CAST: variants seen among roughly 807,000 people sequenced by gnomAD.
CAST encodes the protein calpastatin.
In CAST, 76 loss-of-function variants were observed where a neutral mutation model predicts 119.6. That is an observed-to-expected ratio of 0.64 (90% CI 0.53 to 0.77). The LOEUF (loss-of-function observed/expected upper bound fraction) is 0.77, where lower values mean the gene tolerates loss of function less well. Ranked by LOEUF, CAST falls within the 30% of genes least tolerant of loss-of-function variation. CAST has a pLI of 0.00. For missense variants in CAST, 953 were observed against 946.5 expected, an observed-to-expected ratio of 1.01 and a Z score of -0.09; for synonymous variants, 319 against 331.6, an observed-to-expected ratio of 0.96 and a Z score of 0.41.
Position 96,746,368 on chromosome 5 carries a change from G to A in CAST, c.1227G>A (p.Glu409=). The stretch of plus-strand genomic sequence containing the variant: ...CAAAAGCTAAAGAAGAAAAACTAGA[G>A]AAGTGTGGTGAGGATGATGAAACAA... ...DEAKAKEEKL[E]KCGEDDETIP... is the part of the protein sequence containing the mutation. Residue 409 remains glutamate, a synonymous_variant, in exon 17 of 32, where the codon GAG becomes GAA. Coordinates refer to ENST00000675179, the MANE Select transcript of CAST (RefSeq NM_001750.7). 1.2e-6 allele frequency: 2 copies of A among 1,612,014 alleles called. No individual in the cohort carries two copies. The highest frequency in any genetic ancestry group is 8.5e-7 in the Non-Finnish European group (1 of 1,178,092).
At chr5:96,101,930 C>G in the CAST span, among the ~76,000 whole-genome samples, 2 of 152,178 alleles carry the variant, frequency 1.3e-5, no homozygotes, top group Non-Finnish European at 2.9e-5. Flanking sequence ...ATATGGCTGG[C>G]TGCTTTGGGC....
the CAST span, among the ~76,000 whole-genome samples, chr5:96,460,590 A>G: frequency 2.6e-5 from 4 of 152,040 alleles, no homozygotes; most frequent in Admixed American, 2.0e-4. Flanking sequence ...ACCCTCAAAT[A>G]TAAAGAATCA....
chr5:96,519,003 G>GTGAGC, the CAST span, among the ~76,000 whole-genome samples: 1 of 152,202 alleles, frequency 6.6e-6, no homozygotes. Context: ...AGAGGATGTA[G>GTGAGC]TGAGCTGAGA....
the CAST span, among the ~76,000 whole-genome samples, chr5:96,026,144 G>T: frequency 6.6e-6 from 1 of 152,168 alleles, no homozygotes. Context: ...CTTCAGCCTG[G>T]GAGGTCAAGG....
At chr5:96,205,706 C>A in the CAST span, among the ~76,000 whole-genome samples, 1 of 151,986 alleles carries the variant, frequency 6.6e-6, no homozygotes, top group African/African-American at 2.4e-5. Flanking sequence ...TTTTCTTTAT[C>A]CAGCCTATGA....
the CAST span, among the ~76,000 whole-genome samples, chr5:96,453,981 A>T: frequency 6.6e-6 from 1 of 152,178 alleles, no homozygotes; most frequent in Non-Finnish European, 1.5e-5. Flanking sequence ...GGTTGGTTCT[A>T]CTGCGCAGAA....
At chr5:96,410,239 A>T in the CAST span, among the ~76,000 whole-genome samples, 2 of 150,530 alleles carry the variant, frequency 1.3e-5, no homozygotes, top group East Asian at 3.9e-4. Flanking sequence ...TGAGCATACG[A>T]CCTCCCCGAG....
chr5:96,632,383 T>G (rs1747832919), intron 1 of CAST, among the ~76,000 whole-genome samples: 1 of 150,550 alleles, frequency 6.6e-6, no homozygotes, highest in Non-Finnish European at 1.5e-5. Flanking sequence ...TATAAAAATT[T>G]ATATATAAAA....
At chr5:95,994,920 AG>A in the CAST span, among the ~76,000 whole-genome samples, 3 of 152,224 alleles carry the variant, frequency 2.0e-5, no homozygotes, top group Admixed American at 1.3e-4. Context: ...CATCACATAA[AG>A]GACATTAAAT....
rs73774323 is a variant in CAST at position 96,601,984 on chromosome 5, A to G, written c.60+72104A>G. On this transcript the variant is annotated intron_variant, in intron 1 of 11. Transcript: ENST00000505143. ...CTTCCGGCTCCCTCTGGCCCTCCTC[A>G]TTGGACTCTTGGGGTTTAGCTTCAA... is the stretch of plus-strand genomic sequence containing the variant. Among the ~76,000 whole-genome samples, 432 of 152,254 alleles carry G rather than the reference A, an allele frequency of 2.8e-3. 1 individual carries two copies. The highest frequency in any genetic ancestry group is 1.0e-2 in the African/African-American group (414 of 41,544).
the CAST span, among the ~76,000 whole-genome samples, chr5:96,266,851 T>C: frequency 2.0e-5 from 3 of 152,150 alleles, no homozygotes; most frequent in Non-Finnish European, 4.4e-5. Context: ...CACAATGAGA[T>C]GGCAATATAT....
the CAST span, among the ~76,000 whole-genome samples, chr5:96,284,176 A>G: frequency 6.6e-6 from 1 of 152,230 alleles, no homozygotes; most frequent in Non-Finnish European, 1.5e-5. Flanking sequence ...AAAGCACAGT[A>G]TCCTTACAAA....
At chr5:96,747,195 TA>T in intron 17 of CAST, 149 bp from the exon 18 acceptor site, 1 of 622,366 alleles carries the variant, frequency 1.6e-6, no homozygotes, top group Non-Finnish European at 2.9e-6. Context: ...TTATACTTTA[TA>T]AAAAGTAAAT....
At chr5:96,314,741 G>A in the CAST span, among the ~76,000 whole-genome samples, 13 of 152,094 alleles carry the variant, frequency 8.5e-5, no homozygotes, top group East Asian at 1.9e-4. Flanking sequence ...GTCCTATTAC[G>A]TTGCTCTGTG....
chr5:96,619,691 G>A (rs1323451799), intron 1 of CAST, among the ~76,000 whole-genome samples: 5 of 152,002 alleles, frequency 3.3e-5, no homozygotes, highest in Non-Finnish European at 2.9e-5. Flanking sequence ...AAGCAACTCC[G>A]AACGCATCCA....
intron 3 of CAST, among the ~76,000 whole-genome samples, chr5:96,704,823 T>G (rs1011928109): frequency 1.3e-5 from 2 of 152,216 alleles, no homozygotes; most frequent in Non-Finnish European, 2.9e-5. Flanking sequence ...TTGCATTTAA[T>G]TTTTTCTCTA....
At chr5:96,444,987 C>T in the CAST span, among the ~76,000 whole-genome samples, 53 of 152,260 alleles carry the variant, frequency 3.5e-4, no homozygotes, top group African/African-American at 1.2e-3. Context: ...GTTGAGAAAA[C>T]CTCAATGCCA....
At chr5:96,259,781 A>T in the CAST span, among the ~76,000 whole-genome samples, 1 of 152,130 alleles carries the variant, frequency 6.6e-6, no homozygotes, top group African/African-American at 2.4e-5. Flanking sequence ...GCAGTTTATC[A>T]ATAAAGATTG....
chr5:96,481,271 A>T, the CAST span, among the ~76,000 whole-genome samples: 1 of 152,156 alleles, frequency 6.6e-6, no homozygotes, highest in Admixed American at 6.5e-5. Flanking sequence ...TCTACTAAAA[A>T]AAACACCCCA....
Sources: allele counts gnomAD v4.1 joint callset (sites outside exome capture counted in the v4.1 genomes callset), GRCh38; gene constraint gnomAD v4.1.1; transcripts MANE v1.5; gene names NCBI Gene and HGNC (gene_info 2026-07-23, HGNC 2026-07-21).